The following HECW1 variants were observed in gnomAD, a reference collection of about 807,000 sequenced individuals.
HECW1 encodes E3 ubiquitin-protein ligase HECW1.
A neutral mutation model predicts 182.3 loss-of-function variants in HECW1; 61 were observed. The ratio of observed to expected loss-of-function variants is 0.33; its 90% CI spans 0.27 to 0.41. The LOEUF is 0.41. HECW1 is among the 10% of genes least tolerant of loss of function. The pLI is 1.00. For missense variants in HECW1, 1,739 were observed against 2,108.9 expected (o/e 0.82, Z 3.44); for synonymous variants, 859 against 832.6 (o/e 1.03, Z -0.55).
chr7:43,142,734 G>T (rs1255140797), intron 2 of HECW1, among the ~76,000 whole-genome samples: 1 of 152,280 alleles, frequency 6.6e-6, no homozygotes, highest in Non-Finnish European at 1.5e-5. Context: ...TATACACATT[G>T]GTTCTTTTAG....
intron 12 of HECW1, among the ~76,000 whole-genome samples, chr7:43,452,853 G>A (rs1260085950): frequency 6.6e-6 from 1 of 152,216 alleles, no homozygotes; most frequent in East Asian, 1.9e-4. Context: ...ATCCCTGCAA[G>A]TGTTGGGCAG....
chr7:43,237,387 T>G (rs1745903504), intron 2 of HECW1, among the ~76,000 whole-genome samples: 1 of 152,194 alleles, frequency 6.6e-6, no homozygotes, highest in Non-Finnish European at 1.5e-5. Context: ...CTGTTCGGTG[T>G]GTCTCCCCTC....
intron 14 of HECW1, among the ~76,000 whole-genome samples, chr7:43,464,589 T>C (rs1400580852): frequency 6.6e-6 from 1 of 152,188 alleles, no homozygotes; most frequent in Non-Finnish European, 1.5e-5. Context: ...GGCAGATTTA[T>C]TTGCCAAAAG....
intron 2 of HECW1, among the ~76,000 whole-genome samples, chr7:43,168,680 T>G (rs1220832667): frequency 6.6e-6 from 1 of 151,836 alleles, no homozygotes; most frequent in Non-Finnish European, 1.5e-5. Context: ...ATAAGAATAA[T>G]AATAATAGTA....
chr7:43,543,046 AAG>A (rs2081419760), intron 26 of HECW1, among the ~76,000 whole-genome samples: 1 of 152,228 alleles, frequency 6.6e-6, no homozygotes, highest in Non-Finnish European at 1.5e-5. Context: ...TAATAAGATA[AAG>A]TTTCCCATTT....
chr7:43,503,199 C>T (rs956054151), intron 21 of HECW1, among the ~76,000 whole-genome samples: 3 of 152,174 alleles, frequency 2.0e-5, no homozygotes, highest in Non-Finnish European at 4.4e-5. Flanking sequence ...ATAATTAAAT[C>T]CCATTGCCTA....
At chr7:43,200,988 G>A (rs1008154549) in intron 2 of HECW1, among the ~76,000 whole-genome samples, 26 of 152,246 alleles carry the variant, frequency 1.7e-4, no homozygotes, top group Admixed American at 1.5e-3. Flanking sequence ...TTCCAGAGTC[G>A]ATGTAAGATT....
At chr7:43,166,094 T>G (rs550353857) in intron 2 of HECW1, among the ~76,000 whole-genome samples, 2 of 152,054 alleles carry the variant, frequency 1.3e-5, no homozygotes, top group African/African-American at 2.4e-5. Flanking sequence ...GTGTTTTTGG[T>G]TTTTTTTGAG....
intron 2 of HECW1, among the ~76,000 whole-genome samples, chr7:43,176,543 G>C (rs958780326): frequency 6.6e-6 from 1 of 152,230 alleles, no homozygotes; most frequent in Non-Finnish European, 1.5e-5. Context: ...GGCCTGAGGT[G>C]GCTGGGGCCT....
intron 6 of HECW1, among the ~76,000 whole-genome samples, chr7:43,393,984 A>G (rs1474614436): frequency 6.6e-6 from 1 of 152,218 alleles, no homozygotes; most frequent in Non-Finnish European, 1.5e-5. Flanking sequence ...GTTCCCCCAA[A>G]GAACTTTTAT....
chr7:43,331,136 TC>T (rs1355477776), intron 5 of HECW1, among the ~76,000 whole-genome samples: 6 of 139,828 alleles, frequency 4.3e-5, no homozygotes, highest in Non-Finnish European at 7.8e-5. Context: ...CCCTCCCCAC[TC>T]CCCCCACCCC....
chr7:43,274,354 C>A, intron 3 of HECW1: 1 of 713,690 alleles, frequency 1.4e-6, no homozygotes, highest in Non-Finnish European at 2.3e-6. Flanking sequence ...CTACTGTGGA[C>A]AGGTGTTTGA....
rs375800649 is a variant in HECW1 at position 43,335,364 on chromosome 7, ACCT to A, written c.460+14624_460+14626del. ...ATGAAGTGGTTATGGTGACCTTACA[ACCT>A]CGCTGCTATAGACTAATGTTTGTGA... On this transcript the variant is annotated intron_variant, in intron 5 of 29. Coordinates refer to ENST00000395891, the MANE Select transcript of HECW1 (RefSeq NM_015052.5). Among the ~76,000 whole-genome samples the A allele has an allele frequency of 4.4e-3, 663 of 152,276 alleles. 3 individuals carry two copies. The highest frequency in any genetic ancestry group is 0.015 in the African/African-American group (627 of 41,548).
At chr7:43,475,169 G>C (rs1398354935) in intron 16 of HECW1, among the ~76,000 whole-genome samples, 1 of 152,080 alleles carries the variant, frequency 6.6e-6, no homozygotes, top group African/African-American at 2.4e-5. Context: ...AAAGGAAAAG[G>C]GCCCCAAAAA....
At chr7:43,492,858 C>T (rs183513411) in intron 18 of HECW1, among the ~76,000 whole-genome samples, 9 of 152,278 alleles carry the variant, frequency 5.9e-5, no homozygotes, top group Admixed American at 1.3e-4. Flanking sequence ...ACGTTAAGGA[C>T]GATTAACAGA....
intron 18 of HECW1, 57 bp downstream of exon 18, chr7:43,492,237 A>AT (rs911756331): frequency 4.8e-6 from 6 of 1,246,708 alleles, no homozygotes; most frequent in African/African-American, 3.1e-5. Context: ...CCTAGACTTG[A>AT]TTTTTTGTTT....
intron 8 of HECW1, among the ~76,000 whole-genome samples, chr7:43,408,780 G>A (rs755207800): frequency 1.3e-5 from 2 of 152,188 alleles, no homozygotes; most frequent in African/African-American, 2.4e-5. Context: ...CCATGTGACT[G>A]AGGGGAGGGG....
At chr7:43,301,653 A>G (rs1806797746) in intron 3 of HECW1, among the ~76,000 whole-genome samples, 1 of 152,172 alleles carries the variant, frequency 6.6e-6, no homozygotes, top group African/African-American at 2.4e-5. Flanking sequence ...AAGGTGGATC[A>G]CTTGAGGTCA....
At chr7:43,523,989 A>G (rs2080647175) in intron 24 of HECW1, among the ~76,000 whole-genome samples, 1 of 151,096 alleles carries the variant, frequency 6.6e-6, no homozygotes, top group Non-Finnish European at 1.5e-5. Flanking sequence ...TTTGACCTTC[A>G]GACTATGTTT....
Sources: allele counts gnomAD v4.1 joint callset (sites outside exome capture counted in the v4.1 genomes callset), GRCh38; gene constraint gnomAD v4.1.1; transcripts MANE v1.5; gene names NCBI Gene and HGNC (gene_info 2026-07-23, HGNC 2026-07-21).